The following RANGAP1 variants were observed in gnomAD, a reference collection of about 807,000 sequenced individuals.
RANGAP1 encodes ran GTPase-activating protein 1.
Under a neutral mutation model 63.5 loss-of-function variants are expected in RANGAP1, and 38 were observed. The ratio of observed to expected loss-of-function variants is 0.60; its 90% CI spans 0.46 to 0.78. The LOEUF is 0.78. RANGAP1 is among the 30% of genes least tolerant of loss of function. The pLI, the probability that RANGAP1 is intolerant of heterozygous loss-of-function variation, is 0.00. For missense variants in RANGAP1, 630 were observed against 740.3 expected (o/e 0.85, Z 1.73); for synonymous variants, 329 against 310.5 (o/e 1.06, Z -0.63).
chr22:41,249,325 C>T lies in RANGAP1; in HGVS notation c.1694+5G>A. ...GCACCGGCAGAAGGACAAGGCCACA[C>T]TCACTTGGTCACGAACGCCAGCAGC... On this transcript the variant is annotated splice_donor_5th_base_variant and intron_variant, in intron 15 of 15. Coordinates refer to ENST00000356244, the MANE Select transcript of RANGAP1 (RefSeq NM_002883.4). The T allele has an allele frequency of 1.3e-6, 2 of 1,595,478 alleles. No individual in the cohort carries two copies. Among genetic ancestry groups the T allele is most frequent in the Non-Finnish European group, 1.7e-6 (2 of 1,169,814 alleles).
intron 10 of RANGAP1, among the ~76,000 whole-genome samples, chr22:41,255,466 T>C (rs1224125129): frequency 6.6e-6 from 1 of 151,662 alleles, no homozygotes; most frequent in Non-Finnish European, 1.5e-5. Context: ...GGCCCCATGG[T>C]CTCTTCCTTT....
At chr22:41,281,174 C>T (rs2035471809) in intron 1 of RANGAP1, 92 bp from the exon 2 acceptor site, 3 of 1,296,658 alleles carry the variant, frequency 2.3e-6, no homozygotes, top group Admixed American at 2.9e-5. Context: ...AGGAGTCTGA[C>T]CCTACCTCCC....
Position 41,256,276 on chromosome 22 carries a change from T to C in RANGAP1, c.903A>G (p.Ser301=), listed in dbSNP as rs1466608354. 2.5e-6 allele frequency: 4 copies of C among 1,614,036 alleles called. No homozygotes were observed. Among genetic ancestry groups the C allele is most frequent in the Admixed American group, 1.7e-5 (1 of 60,002 alleles). The change falls in exon 9 of 16, where the codon TCA becomes TCG. Residue 301 remains serine (S), a synonymous_variant. Transcript: ENST00000356244. ...CAGCATCCCTCTTGATTTCACAGAA[T>C]GACAAGTTCAGCTCCTGAAAATAAG... ...GLPKLKELNL[S]FCEIKRDAAL...
At chr22:41,299,972 C>T in the RANGAP1 span, among the ~76,000 whole-genome samples, 4 of 151,690 alleles carry the variant, frequency 2.6e-5, no homozygotes, top group East Asian at 1.9e-4. Context: ...AGGATGGTCT[C>T]GATCTCCTGA....
At chr22:41,269,854 CAG>C (rs989393552) in intron 3 of RANGAP1, among the ~76,000 whole-genome samples, 7 of 151,792 alleles carry the variant, frequency 4.6e-5, no homozygotes, top group Admixed American at 2.0e-4. Flanking sequence ...ATTTTTGAGA[CAG>C]AGTCTCACCC....
the RANGAP1 span, among the ~76,000 whole-genome samples, chr22:41,293,162 G>A: frequency 3.3e-5 from 5 of 151,666 alleles, no homozygotes; most frequent in Admixed American, 6.6e-5. Flanking sequence ...GTGAACCCGG[G>A]AGGCAGAGCT....
At chr22:41,262,062 T>G (rs752942555) in intron 5 of RANGAP1, among the ~76,000 whole-genome samples, 1 of 152,324 alleles carries the variant, frequency 6.6e-6, no homozygotes, top group Non-Finnish European at 1.5e-5. Context: ...TTCCAGCTTC[T>G]CTTCCACGTT....
chr22:41,249,932 A>G, intron 13 of RANGAP1, 115 bp from the exon 14 acceptor site: 2 of 872,748 alleles, frequency 2.3e-6, no homozygotes, highest in Non-Finnish European at 3.7e-6. Context: ...CCTCGCCCTG[A>G]CGAAGAGGCG....
Position 41,257,986 on chromosome 22 carries a change from T to C in RANGAP1, c.736A>G (p.Asn246Asp). ...PLLRVINLND[N>D]TFTEKGAVAM... ...ACGGCGCCCTTCTCAGTGAAGGTGT[T>C]GTCATTCAGGTTGATGACCCGCAGC... The change falls in exon 7 of 16, where the codon AAC becomes GAC. Residue 246 changes from asparagine to aspartate, a missense_variant. Coordinates refer to ENST00000356244, the MANE Select transcript of RANGAP1 (RefSeq NM_002883.4). This position sits in a 1 kb window ranked among gnomAD's most constrained non-coding sequence, Gnocchi z 4.0. 6.2e-7 allele frequency: 1 copy of C among 1,613,192 alleles called. No individual in the cohort carries two copies. Among genetic ancestry groups the C allele is most frequent in the Non-Finnish European group, 8.5e-7 (1 of 1,179,480 alleles).
At chr22:41,270,181 C>A (rs117255386) in intron 3 of RANGAP1, among the ~76,000 whole-genome samples, 6,423 of 152,010 alleles carry the variant, frequency 0.042, 179 homozygotes, top group Non-Finnish European at 0.064. Context: ...TCACTCATCG[C>A]CCAGGCTAGA....
At chr22:41,258,143 G>C (rs1017315243) in intron 6 of RANGAP1, 37 bp from the exon 7 acceptor site, 1 of 1,557,306 alleles carries the variant, frequency 6.4e-7, no homozygotes, top group African/African-American at 1.4e-5. Flanking sequence ...GGGGCCCCGA[G>C]TGCCAGGTGA....
At chr22:41,283,852 G>C (rs1601728549) in intron 1 of RANGAP1, among the ~76,000 whole-genome samples, 1 of 152,208 alleles carries the variant, frequency 6.6e-6, no homozygotes, top group South Asian at 2.1e-4. Context: ...GCAGAAAGCA[G>C]ATGTCATCTG....
chr22:41,282,820 G>A (rs563971251), intron 1 of RANGAP1, among the ~76,000 whole-genome samples: 2 of 152,042 alleles, frequency 1.3e-5, no homozygotes, highest in East Asian at 1.9e-4. Context: ...ATGAATAAAC[G>A]TATCTGTGAG....
At chr22:41,259,103 T>A (rs868616178) in intron 6 of RANGAP1, among the ~76,000 whole-genome samples, 1 of 152,072 alleles carries the variant, frequency 6.6e-6, no homozygotes, top group Non-Finnish European at 1.5e-5. Context: ...CCCTCCTCTA[T>A]CACGGTGGTC....
chr22:41,267,949 G>A (rs1431593434), intron 4 of RANGAP1, 148 bp downstream of exon 4: 2 of 786,890 alleles, frequency 2.5e-6, no homozygotes, highest in East Asian at 2.7e-5. Flanking sequence ...CACAGGGCAC[G>A]TGCTGGACTT....
intron 3 of RANGAP1, among the ~76,000 whole-genome samples, chr22:41,271,524 T>C (rs1256676238): frequency 6.6e-6 from 1 of 150,944 alleles, no homozygotes; most frequent in Non-Finnish European, 1.5e-5. Context: ...GTGAAACCCG[T>C]CTCTACTAAA....
intron 15 of RANGAP1, 24 bp from the exon 16 acceptor site, chr22:41,246,696 G>C: frequency 2.0e-6 from 3 of 1,535,378 alleles, no homozygotes; most frequent in Non-Finnish European, 2.7e-6. Context: ...GGGGTCAGCA[G>C]GTCGGTGGAT....
intron 3 of RANGAP1, among the ~76,000 whole-genome samples, chr22:41,273,349 C>T (rs1473769458): frequency 6.6e-6 from 1 of 152,220 alleles, no homozygotes; most frequent in East Asian, 1.9e-4. Flanking sequence ...GACACTCTTG[C>T]TTTTCTCACA....
chr22:41,276,295 T>C (rs1313083803), intron 2 of RANGAP1, among the ~76,000 whole-genome samples: 2 of 152,204 alleles, frequency 1.3e-5, no homozygotes, highest in Non-Finnish European at 2.9e-5. Flanking sequence ...GTTCTCAATA[T>C]ATCAGGTTAT....
Sources: allele counts gnomAD v4.1 joint callset (sites outside exome capture counted in the v4.1 genomes callset), GRCh38; gene constraint gnomAD v4.1.1; non-coding constraint Gnocchi (gnomAD v3.1); transcripts MANE v1.5; gene names NCBI Gene and HGNC (gene_info 2026-07-23, HGNC 2026-07-21).